Variants in MYO10 observed in about 807,000 individuals in gnomAD.
MYO10 encodes the protein myosin X.
In MYO10, 133 loss-of-function variants were observed where a neutral mutation model predicts 257.3. The ratio of observed to expected loss-of-function variants is 0.52; its 90% CI spans 0.45 to 0.60. The LOEUF is 0.60. MYO10 is among the 20% of genes least tolerant of loss of function. MYO10 has a pLI of 0.00. For missense variants in MYO10, 2,399 were observed against 2,635.7 expected, an observed-to-expected ratio of 0.91 and a Z score of 1.97; for synonymous variants, 1,104 against 1,028.6, an observed-to-expected ratio of 1.07 and a Z score of -1.40.
In MYO10 at chr5:16,689,276, A is replaced by T. The variant is rs866072212; in HGVS notation, c.3896+548T>A. Reference sequence around the variant, plus strand: ...AATACTTAGGTATGAAACATTTAGAATATTAGCCTGAAATATAATTGTGAT... The same window carrying T: ...AATACTTAGGTATGAAACATTTAGATTATTAGCCTGAAATATAATTGTGAT... On this transcript the variant is annotated intron_variant, in intron 28 of 40. Transcript: ENST00000513610. Among the ~76,000 whole-genome samples, 31 of 152,218 alleles carry T rather than the reference A, an allele frequency of 2.0e-4. 1 individual carries two copies. The highest frequency in any genetic ancestry group is 3.5e-4 in the Non-Finnish European group (24 of 68,048).
At chr5:16,910,060 A>G (rs984227088) in intron 1 of MYO10, among the ~76,000 whole-genome samples, 2 of 152,106 alleles carry the variant, frequency 1.3e-5, no homozygotes, top group Non-Finnish European at 2.9e-5. Flanking sequence ...TTTTCTTATA[A>G]ATTACTCAGC....
chr5:16,794,004 CTAATAGTTTCTTTG>C (rs1396763862), intron 4 of MYO10, among the ~76,000 whole-genome samples: 1 of 151,936 alleles, frequency 6.6e-6, no homozygotes, highest in Non-Finnish European at 1.5e-5. Flanking sequence ...ATTGGGGCTC[CTAATAGTTTCTTTG>C]TAAAAGCGAG....
intron 2 of MYO10, among the ~76,000 whole-genome samples, chr5:16,847,193 A>G (rs1384168630): frequency 2.0e-5 from 3 of 152,176 alleles, no homozygotes; most frequent in Admixed American, 2.0e-4. Flanking sequence ...GCACTTTAGG[A>G]GGCCGAGGCA....
chr5:16,893,263 T>C (rs994060648), intron 1 of MYO10, among the ~76,000 whole-genome samples: 8 of 150,270 alleles, frequency 5.3e-5, no homozygotes, highest in Admixed American at 3.4e-4. Flanking sequence ...ATAAGGAGGC[T>C]GAAGAGGATG....
intron 2 of MYO10, among the ~76,000 whole-genome samples, chr5:16,872,765 G>C (rs1704901651): frequency 1.3e-5 from 2 of 152,128 alleles, no homozygotes; most frequent in South Asian, 4.2e-4. Flanking sequence ...GGTGGCAAGA[G>C]AAAATGAGGA....
At chr5:16,872,752 G>A (rs2126757582) in intron 2 of MYO10, among the ~76,000 whole-genome samples, 1 of 152,128 alleles carries the variant, frequency 6.6e-6, no homozygotes, top group East Asian at 1.9e-4. Flanking sequence ...CTTCTTACAT[G>A]GTGGTGGCAA....
At chr5:16,869,984 C>G (rs1744406022) in intron 2 of MYO10, among the ~76,000 whole-genome samples, 2 of 151,132 alleles carry the variant, frequency 1.3e-5, no homozygotes, top group South Asian at 4.2e-4. Flanking sequence ...CAGGTGTGCC[C>G]TTTAGTGATC....
intron 2 of MYO10, among the ~76,000 whole-genome samples, chr5:16,828,381 A>G (rs1417486513): frequency 1.3e-5 from 2 of 152,060 alleles, no homozygotes; most frequent in Admixed American, 6.6e-5. Context: ...CGAGGTCAGC[A>G]TTTTGGATCA....
chr5:16,774,894 G>T (rs1741170370), intron 9 of MYO10, among the ~76,000 whole-genome samples: 1 of 152,108 alleles, frequency 6.6e-6, no homozygotes, highest in Non-Finnish European at 1.5e-5. Context: ...CATGACAAAT[G>T]AATTCACGCA....
chr5:16,836,489 A>T (rs1462712090), intron 2 of MYO10, among the ~76,000 whole-genome samples: 1 of 152,194 alleles, frequency 6.6e-6, no homozygotes, highest in East Asian at 1.9e-4. Flanking sequence ...GCAAAAACTC[A>T]ATGACTACAC....
At chr5:16,714,038 A>T (rs1311733190) in intron 19 of MYO10, among the ~76,000 whole-genome samples, 1 of 152,198 alleles carries the variant, frequency 6.6e-6, no homozygotes, top group Non-Finnish European at 1.5e-5. Context: ...ACTATGTGCA[A>T]GGTTTTGTAA....
intron 4 of MYO10, among the ~76,000 whole-genome samples, chr5:16,788,326 G>A (rs370721010): frequency 2.0e-5 from 3 of 152,142 alleles, no homozygotes; most frequent in African/African-American, 4.8e-5. Flanking sequence ...GTTTGCTGGC[G>A]TGATGATTCA....
At chr5:16,902,675 A>G in intron 1 of MYO10, 1 of 1,051,704 alleles carries the variant, frequency 9.5e-7, no homozygotes, top group Non-Finnish European at 1.5e-6. Context: ...GGCCCGGCTA[A>G]TTTTTTGTAT....
Position 16,762,143 on chromosome 5 carries a change from A to AAAAAT in MYO10, c.1588-31_1588-30insATTTT, listed in dbSNP as rs370443366. On this transcript the variant is annotated intron_variant, in intron 15 of 40. Coordinates refer to ENST00000513610, the MANE Select transcript of MYO10 (RefSeq NM_012334.3). ...AAAAAAAAAAAAAAAAAAAAAAAAA[A>AAAAAT]ATACAATGCCTTATTTCACTCACTG... 6,425 of 1,088,806 alleles carry AAAAAT rather than the reference A, an allele frequency of 5.9e-3. 288 individuals carry two copies. The highest frequency in any genetic ancestry group is 0.01 in the South Asian group (557 of 53,294). The allele number at this position is 1,088,806 out of a possible 1,614,324, so 67.4% of individuals were successfully genotyped here.
At position 16,758,218 on chromosome 5, in the gene MYO10, A is replaced by C. The variant is rs1269034295; in HGVS notation, c.1748T>G (p.Phe583Cys). ...AACATGTTCAAAAAGATCGTAGATA[A>C]AGTCAAATCTGTGTGAGGCAAGAGC... ...LNLLRESRFD[F>C]IYDLFEHVSS... The change falls in exon 18 of 41, where the codon TTT (phenylalanine) becomes TGT (cysteine). Residue 583 changes from phenylalanine to cysteine, a missense_variant. By Grantham distance (205) the Phe-to-Cys change is radical. Transcript: ENST00000513610. 2 of 1,608,188 alleles carry C rather than the reference A, an allele frequency of 1.2e-6. No individual in the cohort carries two copies. The highest frequency in any genetic ancestry group is 3.3e-5 in the Admixed American group (2 of 59,980).
rs1746430128 is a variant in MYO10, at chr5:16,935,935, CT to C, written c.-128del. On this transcript the variant is annotated 5_prime_UTR_variant, in exon 1 of 41. It removes the in-frame stop codon of an upstream open reading frame in the 5' UTR. Coordinates refer to ENST00000513610, the MANE Select transcript of MYO10 (RefSeq NM_012334.3). ...GAGGACGCGCGCCCGCGGGGCTCCCCTGCTGCCATCGCCCGGTCCCTTCTTG... is the reference window on the plus strand; with the variant it reads ...GAGGACGCGCGCCCGCGGGGCTCCCCGCTGCCATCGCCCGGTCCCTTCTTG... The C allele has an allele frequency of 3.5e-6, 4 of 1,134,250 alleles. No homozygotes were observed. The African/African-American group carries it at 4.6e-5, about 13-fold the overall frequency. 70.3% of individuals were successfully genotyped at this position (1,134,250 alleles called of 1,614,324 possible). A position where few individuals can be genotyped will look rare whatever the true frequency, so the allele number is the denominator to read the frequency against.
Position 16,838,079 on chromosome 5 carries a change from T to C in MYO10, c.121-19912A>G, listed in dbSNP as rs1040679817. The stretch of plus-strand genomic sequence containing the variant: ...CCTCTCCTGGGGCCTTCATATCCTC[T>C]GAGACACAACAATATTGAAATTGGG... On this transcript the variant is annotated intron_variant, in intron 2 of 40. Transcript: ENST00000513610. 5.9e-5 allele frequency among the ~76,000 whole-genome samples: 9 copies of C among 152,120 alleles called. No homozygotes were observed. The East Asian group carries it at 1.5e-3, about 26-fold the overall frequency.
chr5:16,792,120 C>CACACACAT (rs1193767002), intron 4 of MYO10, among the ~76,000 whole-genome samples: 3 of 116,452 alleles, frequency 2.6e-5, no homozygotes, highest in Non-Finnish European at 5.7e-5. Context: ...TACACACACA[C>CACACACAT]ACACACACAC....
Position 16,884,972 on chromosome 5 carries a change from G to A in MYO10, c.22-7265C>T, listed in dbSNP as rs59203544. ...ACCTAGTTAATTGAAAGCAGACTCT[G>A]TTGTCTAAATCCCATGAACTTCAAA... On this transcript the variant is annotated intron_variant, in intron 1 of 40. Coordinates refer to ENST00000513610, the MANE Select transcript of MYO10 (RefSeq NM_012334.3). Among the ~76,000 whole-genome samples the A allele has an allele frequency of 5.6e-3, 850 of 152,264 alleles. 6 individuals carry two copies. Among genetic ancestry groups the A allele is most frequent in the African/African-American group, 0.02 (819 of 41,548 alleles).
Sources: gnomAD v4.1 joint callset for allele counts (sites outside exome capture counted in the v4.1 genomes callset) on GRCh38, gnomAD v4.1.1 for gene constraint, MANE v1.5 for transcripts, NCBI Gene and HGNC (gene_info 2026-07-23, HGNC 2026-07-21) for gene names.